Variants in COL6A2 observed in about 807,000 individuals in gnomAD.
The protein encoded by COL6A2 is collagen type VI alpha 2 chain.
COL6A2 carries 90 observed loss-of-function variants against 124.9 expected under a neutral mutation model. The ratio of observed to expected loss-of-function variants is 0.72; its 90% CI spans 0.61 to 0.86. The LOEUF (loss-of-function observed/expected upper bound fraction) is 0.86. Among genes scored for constraint, COL6A2 ranks in the 40% least tolerant of loss-of-function variants. The probability of loss-of-function intolerance (pLI) is 0.00; values close to 1 mark genes in which losing one functional copy is unlikely to be tolerated. For missense variants in COL6A2, 1,607 were observed against 1,502.5 expected (o/e 1.07, Z -1.15); for synonymous variants, 793 against 618.2 (o/e 1.28, Z -4.19).
intron 22 of COL6A2, 51 bp from the exon 23 acceptor site, chr21:46,124,834 C>T (rs1447771141): frequency 1.2e-6 from 2 of 1,610,508 alleles, no homozygotes; most frequent in East Asian, 4.5e-5. Flanking sequence ...GGGAGAGACT[C>T]AGCCACCCAG....
At chr21:46,122,003 C>G in intron 18 of COL6A2, 105 bp from the exon 19 acceptor site, 2 of 1,240,952 alleles carry the variant, frequency 1.6e-6, no homozygotes, top group South Asian at 1.3e-5. Flanking sequence ...GACGGCACCC[C>G]TAGCCCACTT....
chr21:46,104,171 GAA>G (rs35738856), intron 1 of COL6A2, among the ~76,000 whole-genome samples: 1 of 150,482 alleles, frequency 6.6e-6, no homozygotes, highest in Non-Finnish European at 1.5e-5. Context: ...TATTTCAAAG[GAA>G]AAAAAAACAA....
At position 46,121,114 on chromosome 21, in the gene COL6A2, C is replaced by T. The variant is rs528087300; in HGVS notation, c.1449C>T (p.Pro483=). The part of the protein sequence containing the change: ...PRGPQGALGE[P]GKQGSRGDPG... ...GCCCCCAGGGAGCTCTTGGGGAGCCCGGAAAGCAGGTCAGTGTCAGTGCAG... is the reference window on the plus strand; with the variant it reads ...GCCCCCAGGGAGCTCTTGGGGAGCCTGGAAAGCAGGTCAGTGTCAGTGCAG... The change falls in exon 17 of 28, where the codon CCC becomes CCT. Residue 483 remains proline, a synonymous_variant. Coordinates refer to ENST00000300527, the MANE Select transcript of COL6A2 (RefSeq NM_001849.4). 1.6e-5 allele frequency: 26 copies of T among 1,612,728 alleles called. No individual in the cohort carries two copies. Among genetic ancestry groups the T allele is most frequent in the East Asian group, 6.7e-5 (3 of 44,874 alleles).
At chr21:46,119,742 G>A (rs747351551) in intron 14 of COL6A2, 46 bp from the exon 15 acceptor site, 2 of 1,531,208 alleles carry the variant, frequency 1.3e-6, no homozygotes, top group African/African-American at 1.4e-5. Context: ...CAGGCTCTGG[G>A]CTTGGACTCA....
intron 1 of COL6A2, among the ~76,000 whole-genome samples, chr21:46,108,614 G>A (rs930387120): frequency 6.6e-6 from 1 of 152,112 alleles, no homozygotes; most frequent in Admixed American, 6.5e-5. Context: ...AGAAATTGAT[G>A]TTTCAGGGAT....
At chr21:46,114,766 C>G (rs936390870) in intron 5 of COL6A2, among the ~76,000 whole-genome samples, 4 of 152,154 alleles carry the variant, frequency 2.6e-5, no homozygotes, top group Admixed American at 1.3e-4. Flanking sequence ...CTGCATTTTC[C>G]TAACAGAGGT....
chr21:46,101,576 T>C (rs1195384181), intron 1 of COL6A2, among the ~76,000 whole-genome samples: 1 of 152,176 alleles, frequency 6.6e-6, no homozygotes, highest in Non-Finnish European at 1.5e-5. Context: ...TTTTTGTATA[T>C]GGTATTAGGT....
chr21:46,121,131 TCAGTGC>T lies in COL6A2; in HGVS notation c.1458+9_1458+14del, dbSNP rs762583937. The T allele has an allele frequency of 1.1e-5, 18 of 1,612,546 alleles. No individual in the cohort carries two copies. The African/African-American group carries it at 2.4e-4, about 22-fold the overall frequency. The stretch of plus-strand genomic sequence containing the variant: ...GGGGAGCCCGGAAAGCAGGTCAGTG[TCAGTGC>T]AGGAGGCCGGTGCCCTCTGACCCCA... On this transcript the variant is annotated intron_variant, in intron 17 of 27. Coordinates refer to ENST00000300527, the MANE Select transcript of COL6A2 (RefSeq NM_001849.4).
intron 27 of COL6A2, among the ~76,000 whole-genome samples, chr21:46,131,022 A>C (rs1231193967): frequency 6.6e-6 from 1 of 152,130 alleles, no homozygotes; most frequent in Non-Finnish European, 1.5e-5. Context: ...GCCCCCAGAA[A>C]CCGAGTTTCG....
intron 1 of COL6A2, 49 bp from the exon 2 acceptor site, chr21:46,111,401 C>T: frequency 9.1e-7 from 1 of 1,103,850 alleles, no homozygotes; most frequent in Non-Finnish European, 1.4e-6. Flanking sequence ...GGGAGGGTGC[C>T]AGGGGAGAGG....
chr21:46,118,738 T>A, intron 13 of COL6A2, 62 bp downstream of exon 13: 1 of 1,545,604 alleles, frequency 6.5e-7, no homozygotes, highest in Non-Finnish European at 8.8e-7. Context: ...ATGGCCCAGA[T>A]GAACAGTCAC....
rs1053430169 is a variant in COL6A2, at chr21:46,112,480, G to C, written c.617G>C (p.Ser206Thr). The C allele has an allele frequency of 1.2e-6, 2 of 1,611,048 alleles. No individual in the cohort carries two copies. Among genetic ancestry groups the C allele is most frequent in the African/African-American group, 1.3e-5 (1 of 75,036 alleles). The change falls in exon 3 of 28, where the codon AGC (serine) becomes ACC (threonine). Residue 206 changes from serine to threonine, a missense_variant. Physicochemically the swap from Ser to Thr is moderately conservative, Grantham distance 58. This residue lies in a region of COL6A2 where 342 missense variants were observed against 381.5 expected (regional missense o/e 0.90). Transcript: ENST00000300527. ...GAGCAGGGCCTGCGGGACATCGCCAGCACGCCGCACGAGCTCTACCGCAAC... is the reference window on the plus strand; with the variant it reads ...GAGCAGGGCCTGCGGGACATCGCCACCACGCCGCACGAGCTCTACCGCAAC... ...LKEQGLRDIASTPHELYRNDY... is the reference protein window; with the variant it reads ...LKEQGLRDIATTPHELYRNDY...
chr21:46,117,274 C>A (rs770541573), intron 10 of COL6A2, 126 bp from the exon 11 acceptor site: 8 of 959,424 alleles, frequency 8.3e-6, no homozygotes, highest in African/African-American at 1.6e-5. Context: ...CATGTGGGCA[C>A]CCGTGTGCCA....
rs2078448258 is a variant in COL6A2 at position 46,114,704 on chromosome 21, T to C, written c.801+631T>C. On this transcript the variant is annotated intron_variant, in intron 5 of 27. Coordinates refer to ENST00000300527, the MANE Select transcript of COL6A2 (RefSeq NM_001849.4). ...CTTTTGTGGCTTACTAAATAAGCAG[T>C]TTTAGGGAGCCTGGTTTGAATGTCC... Among the ~76,000 whole-genome samples the C allele has an allele frequency of 2.0e-5, 3 of 152,170 alleles. No individual in the cohort carries two copies. In the South Asian group the frequency reaches 6.2e-4, roughly 31 times the overall value.
rs1282230779 is a variant in COL6A2 at position 46,116,923 on chromosome 21, G to GCGCACACACA, written c.999+110_999+111insGCACACACAC. 1 of 643,094 alleles carries GCGCACACACA rather than the reference G, an allele frequency of 1.6e-6. No homozygotes were observed. Among genetic ancestry groups the GCGCACACACA allele is most frequent in the Non-Finnish European group, 2.5e-6 (1 of 401,698 alleles). The allele number at this position is 643,094 out of a possible 1,614,324, so 39.8% of individuals were successfully genotyped here. ...TGTCAGCTTACACATGTGTACACAC[G>GCGCACACACA]CATACACACACACACACACACACAC... is the stretch of plus-strand genomic sequence containing the variant. On this transcript the variant is annotated intron_variant, in intron 10 of 27. Transcript: ENST00000300527. This position sits in a 1 kb window ranked among gnomAD's most constrained non-coding sequence, Gnocchi z 4.6.
At chr21:46,120,940 AGGGGCC>A in intron 16 of COL6A2, 115 bp from the exon 17 acceptor site, 2 of 923,384 alleles carry the variant, frequency 2.2e-6, no homozygotes, top group Non-Finnish European at 1.8e-6. Flanking sequence ...GGAGGGTCAT[AGGGGCC>A]GGGGCCAGAC....
intron 27 of COL6A2, among the ~76,000 whole-genome samples, chr21:46,130,381 GGC>G (rs1390605276): frequency 6.6e-6 from 1 of 151,862 alleles, no homozygotes; most frequent in East Asian, 1.9e-4. Context: ...CGGCCCCCAC[GGC>G]GAGCTGACCC....
rs915604664 is a variant in COL6A2 at position 46,119,861 on chromosome 21, G to A, written c.1332+11G>A. Reference sequence around the variant, plus strand: ...CCCAAGGGGGAGAAGGTGAGTCCTCGTGTGGAGGCAGCCCAGGGTCTCACT... The same window carrying A: ...CCCAAGGGGGAGAAGGTGAGTCCTCATGTGGAGGCAGCCCAGGGTCTCACT... On this transcript the variant is annotated intron_variant, in intron 15 of 27. Coordinates refer to ENST00000300527, the MANE Select transcript of COL6A2 (RefSeq NM_001849.4). 7.1e-6 allele frequency: 11 copies of A among 1,555,866 alleles called. No homozygotes were observed. Among genetic ancestry groups the A allele is most frequent in the East Asian group, 4.8e-5 (2 of 42,058 alleles).
intron 23 of COL6A2, 141 bp downstream of exon 23, chr21:46,125,061 A>G: frequency 2.4e-6 from 3 of 1,240,298 alleles, no homozygotes; most frequent in Non-Finnish European, 3.5e-6. Flanking sequence ...TCAGAGAGCA[A>G]GCTTGGTTGG....
Sources: allele counts gnomAD v4.1 joint callset (sites outside exome capture counted in the v4.1 genomes callset), GRCh38; gene constraint gnomAD v4.1.1; regional missense constraint gnomAD v4.1.1; non-coding constraint Gnocchi (gnomAD v3.1); transcripts MANE v1.5; gene names NCBI Gene and HGNC (gene_info 2026-07-23, HGNC 2026-07-21).